The following NKAIN3 variants were observed in gnomAD, a reference collection of about 807,000 sequenced individuals.
NKAIN3 encodes sodium/potassium transporting ATPase interacting 3.
Under a neutral mutation model 30.2 loss-of-function variants are expected in NKAIN3, and 25 were observed. The observed-to-expected ratio is 0.83, with a 90% confidence interval of 0.60 to 1.16. NKAIN3 has a LOEUF of 1.16. Ranked by LOEUF, NKAIN3 falls within the 50% of genes most tolerant of loss-of-function variation. NKAIN3 has a pLI of 0.00. For synonymous variants in NKAIN3, 91 were observed against 89.6 expected (o/e 1.02, Z -0.09); for missense variants, 225 against 254.1 (o/e 0.89, Z 0.78).
intron 1 of NKAIN3, among the ~76,000 whole-genome samples, chr8:62,430,366 G>GGGGTGTGT (rs1554530280): frequency 7.0e-6 from 1 of 142,460 alleles, no homozygotes. Flanking sequence ...TATATATTGT[G>GGGGTGTGT]GTGTGTGTGT....
At chr8:62,884,430 C>A (rs1416968609) in intron 4 of NKAIN3, among the ~76,000 whole-genome samples, 2 of 151,952 alleles carry the variant, frequency 1.3e-5, no homozygotes, top group Non-Finnish European at 2.9e-5. Flanking sequence ...AGCTAATTTT[C>A]TATTTTTAGT....
chr8:62,619,597 C>A (rs548573912), intron 3 of NKAIN3, among the ~76,000 whole-genome samples: 327 of 152,068 alleles, frequency 2.2e-3, no homozygotes, highest in African/African-American at 7.3e-3. Context: ...CCAAGCTGTG[C>A]CCCTGACGAC....
chr8:62,864,594 GT>G (rs1399089791), intron 4 of NKAIN3, among the ~76,000 whole-genome samples: 3 of 152,196 alleles, frequency 2.0e-5, no homozygotes, highest in Non-Finnish European at 4.4e-5. Context: ...CCGAGTCACA[GT>G]TTCCAGAGTT....
chr8:62,664,116 CCT>C (rs991200723), intron 3 of NKAIN3, among the ~76,000 whole-genome samples: 11 of 151,996 alleles, frequency 7.2e-5, no homozygotes, highest in African/African-American at 2.7e-4. Context: ...TGGTAGATCC[CCT>C]TTCTCCTAGC....
intron 2 of NKAIN3, among the ~76,000 whole-genome samples, chr8:62,582,676 G>A (rs1421512060): frequency 1.3e-5 from 2 of 152,176 alleles, no homozygotes; most frequent in Non-Finnish European, 2.9e-5. Flanking sequence ...TACTCATTAA[G>A]CATCTATTGA....
intron 1 of NKAIN3, among the ~76,000 whole-genome samples, chr8:62,526,026 G>A (rs928131143): frequency 6.6e-6 from 1 of 151,980 alleles, no homozygotes; most frequent in Non-Finnish European, 1.5e-5. Flanking sequence ...TTATGGGAGC[G>A]GATCCCATCT....
chr8:62,645,790 G>T (rs1812442057), intron 3 of NKAIN3, among the ~76,000 whole-genome samples: 1 of 152,194 alleles, frequency 6.6e-6, no homozygotes, highest in African/African-American at 2.4e-5. Context: ...GTCCAATTTT[G>T]TGATGCAGAT....
intron 3 of NKAIN3, among the ~76,000 whole-genome samples, chr8:62,698,732 T>C (rs978502951): frequency 3.9e-5 from 6 of 152,202 alleles, no homozygotes; most frequent in South Asian, 2.1e-4. Context: ...TCATGAATCA[T>C]AAAGTTAATT....
intron 5 of NKAIN3, among the ~76,000 whole-genome samples, chr8:62,922,745 AT>A (rs10714004): frequency 0.055 from 7,971 of 146,042 alleles, 572 homozygotes; most frequent in African/African-American, 0.16. Flanking sequence ...CAGTGCATAT[AT>A]TTTTTTTTTT....
At chr8:62,961,508 A>T (rs1823568761) in intron 6 of NKAIN3, among the ~76,000 whole-genome samples, 1 of 152,162 alleles carries the variant, frequency 6.6e-6, no homozygotes, top group South Asian at 2.1e-4. Context: ...AGAAGAAGAA[A>T]GGAAGGGAAA....
chr8:62,561,122 G>C (rs1263444582), intron 1 of NKAIN3, among the ~76,000 whole-genome samples: 2 of 152,034 alleles, frequency 1.3e-5, no homozygotes, highest in Non-Finnish European at 2.9e-5. Flanking sequence ...ATGGAGGTGA[G>C]GGGCTTTTTT....
At chr8:62,255,279 GA>G (rs1339929269) in intron 1 of NKAIN3, among the ~76,000 whole-genome samples, 1 of 152,182 alleles carries the variant, frequency 6.6e-6, no homozygotes, top group Non-Finnish European at 1.5e-5. Flanking sequence ...ACGCTTTGGG[GA>G]AAAGATGACA....
intron 4 of NKAIN3, among the ~76,000 whole-genome samples, chr8:62,826,269 G>GGT (rs1819020562): frequency 1.3e-5 from 2 of 151,622 alleles, no homozygotes; most frequent in Admixed American, 6.6e-5. Context: ...AGTAACAAGT[G>GGT]GTGTGTGTGA....
intron 3 of NKAIN3, among the ~76,000 whole-genome samples, chr8:62,734,562 C>T (rs1312024346): frequency 1.3e-5 from 2 of 152,064 alleles, no homozygotes; most frequent in South Asian, 2.1e-4. Flanking sequence ...TTCAGAATTC[C>T]CTTTCTTATG....
chr8:62,609,056 C>T (rs915408212), intron 3 of NKAIN3, among the ~76,000 whole-genome samples: 5 of 152,088 alleles, frequency 3.3e-5, no homozygotes, highest in African/African-American at 1.2e-4. Flanking sequence ...TAAGTCTAAA[C>T]TGTGATAGGT....
In NKAIN3 at chr8:62,929,071, A is replaced by T. The variant is rs1042024455; in HGVS notation, c.532+10558A>T. On this transcript the variant is annotated intron_variant, in intron 5 of 6. Transcript: ENST00000623646. ...CACCTGAGGATGAAAAGGAGCTAAG[A>T]GGCAAAGGCCAGGAGACCATTCCTG... Among the ~76,000 whole-genome samples the T allele has an allele frequency of 4.6e-5, 7 of 152,330 alleles. No individual in the cohort carries two copies. In the South Asian group the frequency reaches 1.2e-3, roughly 27 times the overall value.
chr8:62,604,469 T>C (rs1811067350), intron 3 of NKAIN3, among the ~76,000 whole-genome samples: 1 of 152,098 alleles, frequency 6.6e-6, no homozygotes, highest in Non-Finnish European at 1.5e-5. Context: ...TAAAGGCTAG[T>C]TTTTGTCTGA....
chr8:62,666,217 A>G (rs1023159281), intron 3 of NKAIN3, among the ~76,000 whole-genome samples: 1 of 152,168 alleles, frequency 6.6e-6, no homozygotes, highest in Non-Finnish European at 1.5e-5. Flanking sequence ...TCTCTGTCTC[A>G]AAATAATTAA....
At chr8:62,944,404 C>G (rs1038882692) in intron 5 of NKAIN3, among the ~76,000 whole-genome samples, 1 of 152,122 alleles carries the variant, frequency 6.6e-6, no homozygotes, top group Non-Finnish European at 1.5e-5. Flanking sequence ...TTTTCACATA[C>G]ATTTTAGAAA....
Sources: gnomAD v4.1 joint callset for allele counts (sites outside exome capture counted in the v4.1 genomes callset) on GRCh38, gnomAD v4.1.1 for gene constraint, MANE v1.5 for transcripts, NCBI Gene and HGNC (gene_info 2026-07-23, HGNC 2026-07-21) for gene names.